The following CDH18 variants were observed in gnomAD, a reference collection of about 807,000 sequenced individuals.
CDH18 encodes the protein cadherin 18.
A neutral mutation model predicts 67.9 loss-of-function variants in CDH18; 31 were observed. The ratio of observed to expected loss-of-function variants is 0.46; its 90% CI spans 0.34 to 0.62. CDH18 has a LOEUF of 0.62. CDH18 is among the 20% of genes least tolerant of loss of function. The pLI, the probability that CDH18 is intolerant of heterozygous loss-of-function variation, is 0.01. For synonymous variants in CDH18, 362 were observed against 347.2 expected, an observed-to-expected ratio of 1.04 and a Z score of -0.48; for missense variants, 890 against 975.5, an observed-to-expected ratio of 0.91 and a Z score of 1.17.
intron 5 of CDH18, among the ~76,000 whole-genome samples, chr5:19,674,363 C>T (rs1759176774): frequency 6.6e-6 from 1 of 152,062 alleles, no homozygotes; most frequent in African/African-American, 2.4e-5. Context: ...AACCTATTGG[C>T]ATTTCTCCAC....
intron 2 of CDH18, among the ~76,000 whole-genome samples, chr5:20,023,523 G>T (rs958607973): frequency 2.6e-5 from 4 of 151,988 alleles, no homozygotes; most frequent in Non-Finnish European, 5.9e-5. Context: ...GCCGGGCGTG[G>T]TGGCGGGCAC....
Position 19,589,119 on chromosome 5 carries a change from C to T in CDH18, c.999+1938G>A, listed in dbSNP as rs200419694. Among the ~76,000 whole-genome samples the T allele has an allele frequency of 1.2e-4, 18 of 152,088 alleles. No individual in the cohort carries two copies. In the East Asian group the frequency reaches 3.5e-3, roughly 29 times the overall value. ...AAAACAACAGAATATACATTCTCCTCGTTGCCACATGACACTTACTCTAAA... is the reference window on the plus strand; with the variant it reads ...AAAACAACAGAATATACATTCTCCTTGTTGCCACATGACACTTACTCTAAA... On this transcript the variant is annotated intron_variant, in intron 7 of 12. Transcript: ENST00000382275.
chr5:20,207,839 A>G (rs951391655), intron 2 of CDH18, among the ~76,000 whole-genome samples: 3 of 152,150 alleles, frequency 2.0e-5, no homozygotes, highest in Non-Finnish European at 4.4e-5. Context: ...ATATAACTAC[A>G]AAGACCCTGA....
intron 2 of CDH18, among the ~76,000 whole-genome samples, chr5:19,955,820 A>T (rs180868275): frequency 6.6e-6 from 1 of 152,228 alleles, no homozygotes; most frequent in Admixed American, 6.6e-5. Context: ...GTGAAAACAG[A>T]TTTGTGGATC....
chr5:20,104,458 G>A (rs1344845), intron 2 of CDH18, among the ~76,000 whole-genome samples: 151,319 of 152,298 alleles, frequency 0.99, 75,183 homozygotes, highest in Middle Eastern at 1. Flanking sequence ...AGAGTATATC[G>A]AATGGTTGTT....
At chr5:20,172,214 A>G (rs1343483413) in intron 2 of CDH18, among the ~76,000 whole-genome samples, 3 of 32,844 alleles carry the variant, frequency 9.1e-5, no homozygotes, top group African/African-American at 1.2e-4. Flanking sequence ...ATATATATAT[A>G]TATATATATG....
At chr5:19,499,371 T>A (rs1742854961) in intron 11 of CDH18, among the ~76,000 whole-genome samples, 2 of 152,124 alleles carry the variant, frequency 1.3e-5, no homozygotes, top group Admixed American at 6.6e-5. Context: ...AGTTCCTAGT[T>A]GTTCAATAGC....
At chr5:20,159,993 A>G (rs1455530612) in intron 2 of CDH18, among the ~76,000 whole-genome samples, 2 of 152,190 alleles carry the variant, frequency 1.3e-5, no homozygotes, top group Non-Finnish European at 2.9e-5. Context: ...AACACACACA[A>G]AAAAATTTTT....
chr5:20,374,192 C>T (rs1378871744), intron 1 of CDH18, among the ~76,000 whole-genome samples: 1 of 152,136 alleles, frequency 6.6e-6, no homozygotes, highest in Admixed American at 6.5e-5. Context: ...ATTTAGTAAT[C>T]TGTTCCCCAA....
chr5:19,854,067 T>C (rs1784005629), intron 2 of CDH18, among the ~76,000 whole-genome samples: 1 of 152,058 alleles, frequency 6.6e-6, no homozygotes, highest in African/African-American at 2.4e-5. Flanking sequence ...AGAGAAGACA[T>C]GCAGGGCTTT....
intron 3 of CDH18, among the ~76,000 whole-genome samples, chr5:19,810,222 C>T (rs62355780): frequency 0.088 from 13,420 of 151,834 alleles, 604 homozygotes; most frequent in African/African-American, 0.1. Context: ...CCCAGCTACT[C>T]GGGAGGACTG....
chr5:19,494,377 G>C (rs1741954054), intron 11 of CDH18, among the ~76,000 whole-genome samples: 1 of 152,074 alleles, frequency 6.6e-6, no homozygotes, highest in South Asian at 2.1e-4. Context: ...AGAAAACAGA[G>C]ATCCCGTAAA....
intron 9 of CDH18, among the ~76,000 whole-genome samples, chr5:19,525,837 T>A (rs1011668129): frequency 1.3e-5 from 2 of 152,212 alleles, no homozygotes; most frequent in Non-Finnish European, 2.9e-5. Flanking sequence ...AATGTAAACC[T>A]ATTCATGGGA....
chr5:19,783,596 A>G (rs1050775709), intron 3 of CDH18, among the ~76,000 whole-genome samples: 13 of 152,094 alleles, frequency 8.5e-5, no homozygotes, highest in African/African-American at 2.9e-4. Context: ...CCTTCTCCCA[A>G]GGAAACCTCT....
chr5:20,516,767 T>C (rs1561085720), intron 1 of CDH18, among the ~76,000 whole-genome samples: 1 of 151,998 alleles, frequency 6.6e-6, no homozygotes, highest in Non-Finnish European at 1.5e-5. Flanking sequence ...TTTATACCTA[T>C]TGATGTATTA....
intron 3 of CDH18, among the ~76,000 whole-genome samples, chr5:19,752,726 C>T (rs1314062973): frequency 6.6e-6 from 1 of 152,138 alleles, no homozygotes; most frequent in Admixed American, 6.5e-5. Flanking sequence ...CCAACCAGCA[C>T]ACAAAAAAGA....
At chr5:19,822,776 T>C (rs1780010587) in intron 3 of CDH18, among the ~76,000 whole-genome samples, 1 of 152,128 alleles carries the variant, frequency 6.6e-6, no homozygotes, top group Admixed American at 6.6e-5. Flanking sequence ...CGGGCACGCA[T>C]TGTCATTGAT....
chr5:19,894,492 TA>T (rs894327376), intron 2 of CDH18, among the ~76,000 whole-genome samples: 23 of 150,968 alleles, frequency 1.5e-4, no homozygotes, highest in Admixed American at 4.0e-4. Context: ...TCTGGCTACC[TA>T]AAAAAAAATA....
intron 1 of CDH18, among the ~76,000 whole-genome samples, chr5:20,432,271 AT>A (rs1480857719): frequency 6.6e-6 from 1 of 152,116 alleles, no homozygotes; most frequent in Non-Finnish European, 1.5e-5. Context: ...ACTAATTATT[AT>A]TTTCCGCTGT....
Sources: gnomAD v4.1 joint callset for allele counts (sites outside exome capture counted in the v4.1 genomes callset) on GRCh38, gnomAD v4.1.1 for gene constraint, MANE v1.5 for transcripts, NCBI Gene and HGNC (gene_info 2026-07-23, HGNC 2026-07-21) for gene names.